Variants in DMD observed in about 807,000 individuals in gnomAD.
The protein encoded by DMD is mutant dystrophin.
Under a neutral mutation model 330.1 loss-of-function variants are expected in DMD, and 63 were observed. The observed-to-expected ratio is 0.19, with a 90% confidence interval of 0.16 to 0.24. DMD has a LOEUF of 0.24. Ranked by LOEUF, DMD falls within the 10% of genes least tolerant of loss-of-function variation. The probability of loss-of-function intolerance (pLI) is 1.00; values close to 1 mark genes in which losing one functional copy is unlikely to be tolerated. For synonymous variants in DMD, 1,223 were observed against 959.8 expected, an observed-to-expected ratio of 1.27 and a Z score of -5.07; for missense variants, 3,344 against 2,684.1, an observed-to-expected ratio of 1.25 and a Z score of -5.43.
chrX:32,930,200 TA>T (rs1454175337), intron 2 of DMD, among the ~76,000 whole-genome samples: 1 of 111,171 alleles, frequency 9.0e-6, no homozygotes, highest in African/African-American at 3.3e-5. Flanking sequence ...TATTAAATAC[TA>T]TACTGAAAGT....
intron 7 of DMD, among the ~76,000 whole-genome samples, chrX:32,702,442 C>T (rs1001939240): frequency 9.0e-6 from 1 of 111,093 alleles, no homozygotes; most frequent in Non-Finnish European, 1.9e-5. Flanking sequence ...GATGTCTTGG[C>T]AACAGTGGCT....
At chrX:33,233,722 G>A (rs946555354) in intron 1 of DMD, among the ~76,000 whole-genome samples, 8 of 111,487 alleles carry the variant, frequency 7.2e-5, no homozygotes, top group East Asian at 5.6e-4. Flanking sequence ...TGTAACATCC[G>A]TATTTTGACT....
At chrX:31,259,070 C>T (rs1276832445) in intron 63 of DMD, among the ~76,000 whole-genome samples, 1 of 111,247 alleles carries the variant, frequency 9.0e-6, no homozygotes, top group Non-Finnish European at 1.9e-5. Flanking sequence ...AGTGGGGTTA[C>T]GAATGATTTG....
At chrX:32,415,907 TATAAA>T (rs1310610023) in intron 29 of DMD, among the ~76,000 whole-genome samples, 1 of 112,309 alleles carries the variant, frequency 8.9e-6, no homozygotes, top group Non-Finnish European at 1.9e-5. Flanking sequence ...ACTATGGAAA[TATAAA>T]ATAAGTTTAA....
At chrX:31,750,068 C>A (rs773424067) in intron 51 of DMD, among the ~76,000 whole-genome samples, 26 of 110,345 alleles carry the variant, frequency 2.4e-4, no homozygotes, top group Middle Eastern at 4.6e-3. Context: ...AAGCAGGTTG[C>A]GAAAATTTTC....
At chrX:32,020,719 C>A (rs769944812) in intron 44 of DMD, among the ~76,000 whole-genome samples, 9 of 112,332 alleles carry the variant, frequency 8.0e-5, no homozygotes, top group African/African-American at 2.9e-4. Context: ...TTGCTTAAGC[C>A]ACCCAGTGGG....
At chrX:32,766,821 GATTTA>G (rs1372941661) in intron 7 of DMD, among the ~76,000 whole-genome samples, 19 of 111,443 alleles carry the variant, frequency 1.7e-4, no homozygotes, top group Non-Finnish European at 3.2e-4. Flanking sequence ...TAACTAGCTT[GATTTA>G]ATTACTCCAC....
At chrX:31,859,144 G>A (rs1209772860) in intron 48 of DMD, among the ~76,000 whole-genome samples, 2 of 111,200 alleles carry the variant, frequency 1.8e-5, no homozygotes, top group Non-Finnish European at 3.8e-5. Flanking sequence ...AGAGAGCAGA[G>A]GGTCAGAGGA....
chrX:31,500,656 A>G (rs2070343568), intron 56 of DMD, among the ~76,000 whole-genome samples: 1 of 112,195 alleles, frequency 8.9e-6, no homozygotes, highest in African/African-American at 3.2e-5. Flanking sequence ...TCCTCCTGAA[A>G]ATGTTTCTTT....
chrX:32,649,559 TAAAAAAAAAA>T (rs1161462889), intron 9 of DMD, among the ~76,000 whole-genome samples: 3 of 54,280 alleles, frequency 5.5e-5, no homozygotes, highest in African/African-American at 3.7e-4. Context: ...CCGTCTCTTT[TAAAAAAAAAA>T]AAAAAAAAAA....
chrX:31,370,573 C>T (rs971649613), intron 60 of DMD, among the ~76,000 whole-genome samples: 17 of 112,416 alleles, frequency 1.5e-4, no homozygotes, highest in African/African-American at 5.5e-4. Context: ...AACTGGATCA[C>T]TCATACATTG....
intron 29 of DMD, among the ~76,000 whole-genome samples, chrX:32,426,562 G>A (rs762733578): frequency 6.3e-5 from 7 of 111,641 alleles, no homozygotes; most frequent in Non-Finnish European, 9.4e-5. Context: ...CTTGTGGAAA[G>A]CAGTTTGGCA....
intron 62 of DMD, among the ~76,000 whole-genome samples, chrX:31,265,503 TGTTA>T (rs2050950303): frequency 9.0e-6 from 1 of 111,005 alleles, no homozygotes; most frequent in Non-Finnish European, 1.9e-5. Context: ...CTGTTCCAGC[TGTTA>T]GTTGTCCTCC....
intron 9 of DMD, among the ~76,000 whole-genome samples, chrX:32,664,885 C>T (rs1418102048): frequency 9.0e-6 from 1 of 111,013 alleles, no homozygotes; most frequent in East Asian, 2.9e-4. Context: ...AAGAACCAAC[C>T]CCTGGTTACT....
intron 29 of DMD, 103 bp from the exon 30 acceptor site, chrX:32,412,016 C>T: frequency 8.4e-7 from 1 of 1,193,914 alleles, no homozygotes; most frequent in Non-Finnish European, 1.1e-6. Context: ...CTTCCACAAT[C>T]ACCTTTTTGT....
chrX:31,797,511 A>G (rs1028645282), intron 50 of DMD, among the ~76,000 whole-genome samples: 1 of 112,313 alleles, frequency 8.9e-6, no homozygotes, highest in African/African-American at 3.2e-5. Context: ...TACGTCTTAA[A>G]TTAATACTCA....
chrX:33,176,559 A>AGTGTGTGTGTGT lies in DMD; in HGVS notation c.31+34711_31+34722dup, dbSNP rs67497965. 6.8e-5 allele frequency among the ~76,000 whole-genome samples: 7 copies of AGTGTGTGTGTGT among 102,786 alleles called. No individual in the cohort carries two copies. The South Asian group carries it at 3.1e-3, about 45-fold the overall frequency. The allele number at this position is 102,786 out of a possible 115,157, so 89.3% of individuals were successfully genotyped here. On this transcript the variant is annotated intron_variant, in intron 1 of 78. Coordinates refer to ENST00000357033, the MANE Select transcript of DMD (RefSeq NM_004006.3). Reference sequence around the variant, plus strand: ...GCAGCCACGAAAAAGCAAGCACAGAAGTGTGTGTGTGTGTGTGTGTGTGTG... The same window carrying AGTGTGTGTGTGT: ...GCAGCCACGAAAAAGCAAGCACAGAAGTGTGTGTGTGTGTGTGTGTGTGTGTGTGTGTGTGTG...
intron 7 of DMD, among the ~76,000 whole-genome samples, chrX:32,729,481 A>C (rs1360336784): frequency 9.0e-6 from 1 of 111,681 alleles, no homozygotes; most frequent in East Asian, 2.8e-4. Context: ...CCTCTTTTCA[A>C]ACACTGATTC....
intron 44 of DMD, among the ~76,000 whole-genome samples, chrX:31,994,279 T>C (rs1011633547): frequency 9.0e-6 from 1 of 111,384 alleles, no homozygotes; most frequent in Non-Finnish European, 1.9e-5. Flanking sequence ...AAAATAAGAG[T>C]GACAGGTCTG....
Sources: allele counts gnomAD v4.1 joint callset (sites outside exome capture counted in the v4.1 genomes callset), GRCh38; gene constraint gnomAD v4.1.1; transcripts MANE v1.5; gene names NCBI Gene and HGNC (gene_info 2026-07-23, HGNC 2026-07-21).